The following JPT2 variants were observed in gnomAD, a reference collection of about 807,000 sequenced individuals.
JPT2 encodes CRAMP_1 like.
Under a neutral mutation model 15.9 loss-of-function variants are expected in JPT2, and 9 were observed. The ratio of observed to expected loss-of-function variants is 0.57; its 90% confidence interval spans 0.34 to 0.99. The LOEUF is 0.99. JPT2 is among the 50% of genes least tolerant of loss of function. The pLI, the probability that JPT2 is intolerant of heterozygous loss-of-function variation, is 0.02. For missense variants in JPT2, 267 were observed against 252.1 expected, an observed-to-expected ratio of 1.06 and a Z score of -0.40; for synonymous variants, 95 against 91.7, an observed-to-expected ratio of 1.04 and a Z score of -0.21.
chr16:1,680,467 G>A (rs1179202407), intron 1 of JPT2: 3 of 1,245,990 alleles, frequency 2.4e-6, no homozygotes, highest in East Asian at 6.2e-5. Context: ...AGGATGGTGA[G>A]GAAGGAAAGC....
Position 1,698,751 on chromosome 16 carries a change from T to C in JPT2, c.386-60T>C. The C allele has an allele frequency of 6.6e-7, 1 of 1,515,190 alleles. No homozygotes were observed. The highest frequency in any genetic ancestry group is 1.4e-5 in the African/African-American group (1 of 71,666). 93.9% of individuals were successfully genotyped at this position (1,515,190 alleles called of 1,614,324 possible). A position where few individuals can be genotyped will look rare whatever the true frequency, so the allele number is the denominator to read the frequency against. ...TGACACACTTTTTATTTCCACAGCC[T>C]GCCTGTCAGGGTCATGGGTTGCCTC... On this transcript the variant is annotated intron_variant, in intron 4 of 4. Transcript: ENST00000248098. This position sits in a 1 kb window ranked among gnomAD's most constrained non-coding sequence, Gnocchi z 4.9.
rs140567985 is a variant in JPT2, at chr16:1,685,526, A to G, written c.132A>G (p.Ala44=). The change falls in exon 2 of 5, where the codon GCA becomes GCG. Residue 44 remains alanine, a synonymous_variant. Coordinates refer to ENST00000248098, the MANE Select transcript of JPT2 (RefSeq NM_144570.3). ...CTTCCAGCAGGCCTAATAGGATGGC[A>G]TCTAATATTTTTGGACCAACAGAAG... ...ATPSSRPNRM[A]SNIFGPTEEP... The G allele has an allele frequency of 9.4e-4, 1,517 of 1,614,164 alleles. 24 individuals are homozygous for G. The highest frequency in any genetic ancestry group is 1.5e-3 in the Middle Eastern group (9 of 6,062).
chr16:1,698,887 G>T lies in JPT2; in HGVS notation c.462G>T (p.Gln154His). The T allele has an allele frequency of 6.2e-7, 1 of 1,614,254 alleles. No individual in the cohort carries two copies. The highest frequency in any genetic ancestry group is 1.3e-5 in the African/African-American group (1 of 75,082). The change falls in exon 5 of 5, where the codon CAG becomes CAT. Residue 154 changes from glutamine (Q) to histidine (H), a missense_variant. By Grantham distance (24) the Gln-to-His change is conservative. Transcript: ENST00000248098. The surrounding 1 kb of genome is among the most constrained non-coding windows in gnomAD (Gnocchi z 4.9). ...GAAAAGCAGGCCCCGCCAAGGAGCA[G>T]GAGCCCATGCCCACAGTCGACAGCC... ...SARKAGPAKEQEPMPTVDSHE... is the reference protein window; with the variant it reads ...SARKAGPAKEHEPMPTVDSHE...
At position 1,691,806 on chromosome 16, in the gene JPT2, C is replaced by T. The variant is rs138481361; in HGVS notation, c.194-37C>T. 391 of 1,596,358 alleles carry T rather than the reference C, an allele frequency of 2.4e-4. No homozygotes were observed. In the African/African-American group the frequency reaches 4.6e-3, roughly 19 times the overall value. ...GTGGGGTGGGGTGGGGTCCGGTGGA[C>T]GTCTGGTTGCTCAGTGTTCTGTGAT... On this transcript the variant is annotated intron_variant, in intron 2 of 4. Transcript: ENST00000248098.
intron 3 of JPT2, among the ~76,000 whole-genome samples, chr16:1,695,370 A>C (rs2142229317): frequency 6.7e-6 from 1 of 149,690 alleles, no homozygotes; most frequent in Admixed American, 6.8e-5. Context: ...GTGCTATTGC[A>C]CTCCAGCCTG....
At chr16:1,688,817 A>C (rs1385188754) in intron 2 of JPT2, 1 of 152,240 alleles carries the variant, frequency 6.6e-6, no homozygotes, top group African/African-American at 2.4e-5. Flanking sequence ...ATTATTAGTG[A>C]ATTTAAGCAT....
rs766343880 is a variant in JPT2 at position 1,698,983 on chromosome 16, C to G, written c.558C>G (p.Ser186Arg). Residue 186 changes from serine to arginine, a missense_variant, in exon 5 of 5, where the codon AGC becomes AGG. By Grantham distance (110) the Ser-to-Arg change is moderately radical. Coordinates refer to ENST00000248098, the MANE Select transcript of JPT2 (RefSeq NM_144570.3). This position sits in a 1 kb window ranked among gnomAD's most constrained non-coding sequence, Gnocchi z 4.9. ...TGAACCCACCGGGAGGCAAATCCAG[C>G]ATCTCCTTCTACTAAGAGAAGCCAC... ...KVLNPPGGKS[S>R]ISFY is the part of the protein sequence containing the mutation. The G allele has an allele frequency of 2.5e-6, 4 of 1,612,770 alleles. No homozygotes were observed. The South Asian group carries it at 4.4e-5, about 18-fold the overall frequency.
chr16:1,700,082 C>T lies in JPT2; in HGVS notation c.*1084C>T, dbSNP rs1186579060. On this transcript the variant is annotated 3_prime_UTR_variant, in exon 5 of 5. Transcript: ENST00000248098. ...TTCTGACACCTTTCCAGAAAAAAGT[C>T]AATTGTTCAGGTACACCAAAGAGGA... 1 of 445,092 alleles carries T rather than the reference C, an allele frequency of 2.2e-6. No individual in the cohort carries two copies. Among genetic ancestry groups the T allele is most frequent in the Admixed American group, 2.4e-5 (1 of 41,890 alleles). The allele number at this position is 445,092 out of a possible 1,614,324, so 27.6% of individuals were successfully genotyped here.
chr16:1,678,396 A>T, intron 1 of JPT2, 40 bp downstream of exon 1: 1 of 1,126,592 alleles, frequency 8.9e-7, no homozygotes, highest in Non-Finnish European at 1.1e-6. Flanking sequence ...GGATAGCGCG[A>T]CCACGTGGCG....
chr16:1,683,256 G>A (rs1286425308), intron 1 of JPT2, among the ~76,000 whole-genome samples: 3 of 151,918 alleles, frequency 2.0e-5, no homozygotes, highest in Non-Finnish European at 2.9e-5. Context: ...GATTACAGGC[G>A]TGAGCCACCA....
chr16:1,699,842 G>T lies in JPT2; in HGVS notation c.*844G>T. 1 of 267,544 alleles carries T rather than the reference G, an allele frequency of 3.7e-6. No homozygotes were observed. Among genetic ancestry groups the T allele is most frequent in the South Asian group, 3.9e-5 (1 of 25,586 alleles). 16.6% of individuals were successfully genotyped at this position (267,544 alleles called of 1,614,324 possible). A position where few individuals can be genotyped will look rare whatever the true frequency, so the allele number is the denominator to read the frequency against. On this transcript the variant is annotated 3_prime_UTR_variant, in exon 5 of 5. Transcript: ENST00000248098. ...ACAGTTCTTCCCATAAATGAGGCCCGCTGACCTCTGCGGGACTTTAAAAAT... is the reference window on the plus strand; with the variant it reads ...ACAGTTCTTCCCATAAATGAGGCCCTCTGACCTCTGCGGGACTTTAAAAAT...
At chr16:1,684,055 C>T (rs760672336) in intron 1 of JPT2, among the ~76,000 whole-genome samples, 21 of 152,172 alleles carry the variant, frequency 1.4e-4, no homozygotes, top group Non-Finnish European at 2.5e-4. Flanking sequence ...TAATACTATG[C>T]ACATAGTTGT....
In JPT2 at chr16:1,680,561, G is replaced by C. The variant is rs965388859; in HGVS notation, c.44+2205G>C. 3.5e-5 allele frequency: 39 copies of C among 1,110,238 alleles called. 1 individual carries two copies. The African/African-American group carries it at 5.8e-4, about 17-fold the overall frequency. The allele number at this position is 1,110,238 out of a possible 1,614,324, so 68.8% of individuals were successfully genotyped here. ...CTGCACATTTGCCACTCATCTGAAC[G>C]GGGTCGAGTCGCAGGGCGGGCGCCT... On this transcript the variant is annotated intron_variant, in intron 1 of 4. Transcript: ENST00000248098.
Position 1,698,878 on chromosome 16 carries a change from C to T in JPT2, c.453C>T (p.Ala151=), listed in dbSNP as rs1223140623. The T allele has an allele frequency of 6.2e-7, 1 of 1,614,232 alleles. No individual in the cohort carries two copies. Among genetic ancestry groups the T allele is most frequent in the African/African-American group, 1.3e-5 (1 of 75,070 alleles). The change falls in exon 5 of 5, where the codon GCC becomes GCT. Residue 151 remains alanine (A), a synonymous_variant. Transcript: ENST00000248098. The surrounding 1 kb of genome is among the most constrained non-coding windows in gnomAD (Gnocchi z 4.9). ...EKGSARKAGP[A]KEQEPMPTVD... is the part of the protein sequence containing the mutation. ...GCAGCGCCAGAAAAGCAGGCCCCGC[C>T]AAGGAGCAGGAGCCCATGCCCACAG...
rs1013671635 is a variant in JPT2, at chr16:1,680,417, C to G, written c.44+2061C>G. On this transcript the variant is annotated intron_variant, in intron 1 of 4. Transcript: ENST00000248098. ...TCACACTACCCTGGGGGACTGGTTTCTGGACAAGGTGTTGAGAAAGGGAGA... is the reference window on the plus strand; with the variant it reads ...TCACACTACCCTGGGGGACTGGTTTGTGGACAAGGTGTTGAGAAAGGGAGA... 4 of 1,174,916 alleles carry G rather than the reference C, an allele frequency of 3.4e-6. No individual in the cohort carries two copies. In the African/African-American group the frequency reaches 6.4e-5, roughly 19 times the overall value. 72.8% of individuals were successfully genotyped at this position (1,174,916 alleles called of 1,614,324 possible). A position where few individuals can be genotyped will look rare whatever the true frequency, so the allele number is the denominator to read the frequency against.
chr16:1,681,121 G>A (rs542194238), intron 1 of JPT2, among the ~76,000 whole-genome samples: 1 of 152,274 alleles, frequency 6.6e-6, no homozygotes, highest in Admixed American at 6.5e-5. Flanking sequence ...GAGCTCTAGC[G>A]TTCCCCCTCC....
At chr16:1,697,884 TCTC>T in intron 4 of JPT2, 24 bp downstream of exon 4, 2 of 1,605,696 alleles carry the variant, frequency 1.2e-6, no homozygotes, top group East Asian at 2.2e-5. Flanking sequence ...TTCTTTCCCT[TCTC>T]CTGAGTGGCC....
Position 1,687,659 on chromosome 16 carries a change from G to C in JPT2, c.193+2072G>C, listed in dbSNP as rs561663693. Among the ~76,000 whole-genome samples the C allele has an allele frequency of 2.0e-3, 311 of 152,286 alleles. 2 individuals carry two copies. Among genetic ancestry groups the C allele is most frequent in the Non-Finnish European group, 2.5e-3 (172 of 68,030 alleles). ...GGTTAGTGAGCCAGCCTCTACTCCTGGTCACAGTGTGTGGTGCCAGCCATC... is the reference window on the plus strand; with the variant it reads ...GGTTAGTGAGCCAGCCTCTACTCCTCGTCACAGTGTGTGGTGCCAGCCATC... On this transcript the variant is annotated intron_variant, in intron 2 of 4. Coordinates refer to ENST00000248098, the MANE Select transcript of JPT2 (RefSeq NM_144570.3).
chr16:1,678,324 C>T lies in JPT2; in HGVS notation c.12C>T (p.Val4=), dbSNP rs1401601581. The T allele has an allele frequency of 1.5e-5, 18 of 1,237,246 alleles. 1 individual carries two copies. In the South Asian group the frequency reaches 3.7e-4, roughly 25 times the overall value. 76.6% of individuals were successfully genotyped at this position (1,237,246 alleles called of 1,614,324 possible). ...TGGCGGCGGTCGACATGTTCCAGGT[C>T]CCGGATAGCGAGGGCGGCCGCGCCG... The part of the protein sequence containing the change: MFQ[V]PDSEGGRAGS... Residue 4 remains valine, a synonymous_variant, in exon 1 of 5, where the codon GTC becomes GTT. Transcript: ENST00000248098.
Sources: allele counts gnomAD v4.1 joint callset (sites outside exome capture counted in the v4.1 genomes callset), GRCh38; gene constraint gnomAD v4.1.1; non-coding constraint Gnocchi (gnomAD v3.1); transcripts MANE v1.5; gene names NCBI Gene and HGNC (gene_info 2026-07-23, HGNC 2026-07-21).